KRT73: variants seen among roughly 807,000 people sequenced by gnomAD.
KRT73 encodes the protein keratin, type II cytoskeletal 73.
Under a neutral mutation model 47.2 loss-of-function variants are expected in KRT73, and 44 were observed. The observed-to-expected ratio is 0.93, with a 90% CI of 0.73 to 1.20. KRT73 has a LOEUF of 1.20. Ranked by LOEUF, KRT73 falls within the 50% of genes most tolerant of loss-of-function variation. The pLI is 0.00. For synonymous variants in KRT73, 285 were observed against 291.3 expected (o/e 0.98, Z 0.22); for missense variants, 713 against 704.5 (o/e 1.01, Z -0.14).
chr12:52,622,330 A>AT (rs1201587904), upstream of KRT73, among the ~76,000 whole-genome samples: 3 of 152,190 alleles, frequency 2.0e-5, no homozygotes, highest in Non-Finnish European at 2.9e-5. Context: ...TTTATTTTTT[A>AT]TTTTTTTATA....
upstream of KRT73, among the ~76,000 whole-genome samples, chr12:52,619,726 G>A (rs575806369): frequency 1.3e-5 from 2 of 152,310 alleles, no homozygotes; most frequent in South Asian, 4.1e-4. Flanking sequence ...TGGAGATGGG[G>A]AGGTAGGGGA....
the KRT73 span, among the ~76,000 whole-genome samples, chr12:52,628,225 T>C: frequency 1.3e-5 from 2 of 152,124 alleles, no homozygotes; most frequent in East Asian, 3.9e-4. Flanking sequence ...GCCCTTATGA[T>C]GGATTTGCTT....
rs942336200 is a variant in KRT73 at position 52,608,425 on chromosome 12, A to T, written c.1394T>A (p.Met465Lys). 2 of 1,611,248 alleles carry T rather than the reference A, an allele frequency of 1.2e-6. No homozygotes were observed. Among genetic ancestry groups the T allele is most frequent in the African/African-American group, 2.7e-5 (2 of 74,874 alleles). The change falls in exon 9 of 9, where the codon ATG (methionine) becomes AAG (lysine). Residue 465 changes from methionine to lysine, a missense_variant. Met to Lys is a moderately conservative substitution (Grantham distance 95). Transcript: ENST00000305748. ...ISVINSSMAGMAGTGAGFGFS... is the reference protein window; with the variant it reads ...ISVINSSMAGKAGTGAGFGFS... ...TCCAAAGCCAGCCCCTGTGCCTGCC[A>T]TCCCGGCCATGGAGCTGTTGATGAC...
the KRT73 span, among the ~76,000 whole-genome samples, chr12:52,625,270 A>T: frequency 6.6e-6 from 1 of 152,226 alleles, no homozygotes; most frequent in African/African-American, 2.4e-5. Flanking sequence ...AGGATCTAGA[A>T]TACATAATGA....
chr12:52,623,006 T>G (rs1940926592), upstream of KRT73, among the ~76,000 whole-genome samples: 1 of 151,844 alleles, frequency 6.6e-6, no homozygotes, highest in Non-Finnish European at 1.5e-5. Flanking sequence ...TAACAAAAGA[T>G]CTAACAGTCA....
At chr12:52,609,207 A>G (rs1259985437) in intron 8 of KRT73, 40 bp downstream of exon 8, 6 of 1,595,282 alleles carry the variant, frequency 3.8e-6, no homozygotes, top group Middle Eastern at 1.7e-4. Flanking sequence ...GTGTTTGTTG[A>G]TGGACTAAAA....
In KRT73 at chr12:52,607,711, T is replaced by TGG. The variant is rs770131613; in HGVS notation, c.*483_*484dup. 1.6e-4 allele frequency: 25 copies of TGG among 153,218 alleles called. No homozygotes were observed. Among genetic ancestry groups the TGG allele is most frequent in the Non-Finnish European group, 7.3e-5 (5 of 68,830 alleles). 9.5% of individuals were successfully genotyped at this position (153,218 alleles called of 1,614,324 possible). ...GTACTCCTGGCTATGTAATATGCAG[T>TGG]GGCTATACAAGATACAACTTCCCAC... On this transcript the variant is annotated 3_prime_UTR_variant, in exon 9 of 9. Coordinates refer to ENST00000305748, the MANE Select transcript of KRT73 (RefSeq NM_175068.3).
chr12:52,616,252 C>A lies in KRT73; in HGVS notation c.576G>T (p.Lys192Asn). ...ILEGYISNLR[K>N]QLETLSGDRV... Reference sequence around the variant, plus strand: ...TGTCCCCAGACAGCGTCTCCAGCTGCTTCCGCAGGTTGCTGATGTAGCCCT... The same window carrying A: ...TGTCCCCAGACAGCGTCTCCAGCTGATTCCGCAGGTTGCTGATGTAGCCCT... Residue 192 changes from lysine to asparagine, a missense_variant, in exon 2 of 9, where the codon AAG (lysine) becomes AAT (asparagine). By Grantham distance (94) the Lys-to-Asn change is moderately conservative. Coordinates refer to ENST00000305748, the MANE Select transcript of KRT73 (RefSeq NM_175068.3). 6.2e-7 allele frequency: 1 copy of A among 1,614,194 alleles called. No homozygotes were observed. Among genetic ancestry groups the A allele is most frequent in the Non-Finnish European group, 8.5e-7 (1 of 1,180,040 alleles).
At chr12:52,610,443 T>A in intron 7 of KRT73, 172 bp downstream of exon 7, 1 of 687,116 alleles carries the variant, frequency 1.5e-6, no homozygotes, top group Non-Finnish European at 2.5e-6. Context: ...AAAAGAGAAC[T>A]GTAAAGGAAA....
upstream of KRT73, among the ~76,000 whole-genome samples, chr12:52,619,621 G>A (rs894244145): frequency 4.8e-4 from 73 of 152,086 alleles, no homozygotes; most frequent in African/African-American, 1.7e-4. Context: ...TTATCCATTC[G>A]TTTAACAGAC....
Position 52,610,728 on chromosome 12 carries a change from G to A in KRT73, c.1218C>T (p.Ala406=). The change falls in exon 7 of 9, where the codon GCC becomes GCT. Residue 406 remains alanine, a synonymous_variant. Transcript: ENST00000305748. ...LDELEGALQQ[A]KEELARMLRE... ...GCAGCATCCGTGCCAGCTCCTCCTT[G>A]GCCTGCTGCAGGGCGCCCTCCAGCT... is the stretch of plus-strand genomic sequence containing the variant. 1 of 1,613,934 alleles carries A rather than the reference G, an allele frequency of 6.2e-7. No individual in the cohort carries two copies. The highest frequency in any genetic ancestry group is 8.5e-7 in the Non-Finnish European group (1 of 1,179,990).
intron 3 of KRT73, 200 bp downstream of exon 3, chr12:52,615,079 G>T: frequency 1.8e-6 from 1 of 545,186 alleles, no homozygotes; most frequent in South Asian, 2.8e-5. Flanking sequence ...CCACATCTAG[G>T]TTCCTGTCCA....
In KRT73 at chr12:52,618,122, G is replaced by T; in HGVS notation, c.403C>A (p.Gln135Lys). 3 of 1,613,868 alleles carry T rather than the reference G, an allele frequency of 1.9e-6. No individual in the cohort carries two copies. The highest frequency in any genetic ancestry group is 2.5e-6 in the Non-Finnish European group (3 of 1,179,896). Residue 135 changes from glutamine (Q) to lysine (K), a missense_variant, in exon 1 of 9, where the codon CAG becomes AAG. By Grantham distance (53) the Gln-to-Lys change is moderately conservative (BLOSUM62 1). Coordinates refer to ENST00000305748, the MANE Select transcript of KRT73 (RefSeq NM_175068.3). ...AACTTGTTGTTCAGCACCTTGATCT[G>T]CTCCCGCTCCTGGGCACGCACTTTC... ...IQKVRAQEREQIKVLNNKFAS... is the reference protein window; with the variant it reads ...IQKVRAQEREKIKVLNNKFAS...
In KRT73 at chr12:52,608,237, T is replaced by C; in HGVS notation, c.1582A>G (p.Thr528Ala). The stretch of plus-strand genomic sequence containing the variant: ...TTGGTGGGTGAGCTTAGAGCTAAGG[T>C]CTTTCCCTGGGAGTCCCTGAATTCA... ...ASEFRDSQGK[T>A]LALSSPTKKT... Residue 528 changes from threonine (T) to alanine (A), a missense_variant, in exon 9 of 9, where the codon ACC (threonine) becomes GCC (alanine). Coordinates refer to ENST00000305748, the MANE Select transcript of KRT73 (RefSeq NM_175068.3). The C allele has an allele frequency of 1.2e-6, 2 of 1,613,780 alleles. No homozygotes were observed.
intron 3 of KRT73, chr12:52,614,997 G>T (rs1487547590): frequency 1.9e-6 from 1 of 533,774 alleles, no homozygotes; most frequent in Non-Finnish European, 3.3e-6. Context: ...AGAGTTGGAA[G>T]GCAAACCTGC....
intron 4 of KRT73, 151 bp downstream of exon 4, chr12:52,614,428 T>G: frequency 3.3e-6 from 2 of 598,662 alleles, no homozygotes; most frequent in Non-Finnish European, 5.7e-6. Context: ...CCAGGATAGA[T>G]GGCCACTCCC....
At chr12:52,610,555 A>ACCCCCCCC in intron 7 of KRT73, 60 bp downstream of exon 7, 2 of 247,320 alleles carry the variant, frequency 8.1e-6, no homozygotes, top group Non-Finnish European at 1.6e-5. Context: ...CCCCAACCAC[A>ACCCCCCCC]CTCTGGGAAA....
upstream of KRT73, among the ~76,000 whole-genome samples, chr12:52,619,368 C>G (rs763600316): frequency 6.6e-6 from 1 of 152,232 alleles, no homozygotes; most frequent in Non-Finnish European, 1.5e-5. Context: ...TGATGATCCA[C>G]ATTACACAAA....
At chr12:52,630,727 G>A in the KRT73 span, among the ~76,000 whole-genome samples, 2 of 152,206 alleles carry the variant, frequency 1.3e-5, no homozygotes, top group East Asian at 3.8e-4. Context: ...AAGTCTCTGG[G>A]TGGCTCAGTT....
Sources: gnomAD v4.1 joint callset for allele counts (sites outside exome capture counted in the v4.1 genomes callset) on GRCh38, gnomAD v4.1.1 for gene constraint, MANE v1.5 for transcripts, NCBI Gene and HGNC (gene_info 2026-07-23, HGNC 2026-07-21) for gene names.